IQCJ: variants seen among roughly 807,000 people sequenced by gnomAD.
IQCJ encodes IQ motif containing J, also known as IQ domain-containing protein J.
Under a neutral mutation model 11.0 loss-of-function variants are expected in IQCJ, and 9 were observed. The observed-to-expected ratio is 0.82, with a 90% CI of 0.49 to 1.43. IQCJ has a LOEUF of 1.43. IQCJ is among the 40% of genes most tolerant of loss of function. The probability of loss-of-function intolerance (pLI) is 0.00; values close to 1 mark genes in which losing one functional copy is unlikely to be tolerated. For synonymous variants in IQCJ, 55 were observed against 51.3 expected, an observed-to-expected ratio of 1.07 and a Z score of -0.31; for missense variants, 146 against 133.2, an observed-to-expected ratio of 1.10 and a Z score of -0.47.
intron 3 of IQCJ, 27 bp downstream of exon 3, chr3:159,252,834 G>A (rs1560043678): frequency 6.3e-7 from 1 of 1,594,778 alleles, no homozygotes; most frequent in Admixed American, 1.7e-5. Context: ...TATAAATTAA[G>A]CAATTAGTTC....
rs561499793 is a variant in IQCJ, at chr3:159,107,243, G to C, written c.9+37802G>C. The stretch of plus-strand genomic sequence containing the variant: ...GAAAAGTGATTAAATGGTAAGGGCA[G>C]GGCCCTTATGAATAGGCTTAGTGAC... On this transcript the variant is annotated intron_variant, in intron 1 of 3. Coordinates refer to ENST00000397832, the MANE Select transcript of IQCJ (RefSeq NM_001042706.3). 4.9e-3 allele frequency among the ~76,000 whole-genome samples: 742 copies of C among 152,224 alleles called. 10 individuals are homozygous for C. The highest frequency in any genetic ancestry group is 0.017 in the African/African-American group (708 of 41,534).
intron 1 of IQCJ, among the ~76,000 whole-genome samples, chr3:159,218,757 T>C (rs1008706373): frequency 1.3e-5 from 2 of 152,168 alleles, no homozygotes; most frequent in Admixed American, 1.3e-4. Flanking sequence ...ATTGCTGCTG[T>C]AACAAATTAT....
At position 159,240,674 on chromosome 3, in the gene IQCJ, G is replaced by A. The variant is rs61795167; in HGVS notation, c.10-5169G>A. On this transcript the variant is annotated intron_variant, in intron 1 of 3. Transcript: ENST00000397832. ...TACATAAAAAGTAATTCACGGCCAG[G>A]CACTGTGGCTCACACCTGTAATCCC... is the stretch of plus-strand genomic sequence containing the variant. 9.6e-3 allele frequency among the ~76,000 whole-genome samples: 1,466 copies of A among 152,248 alleles called. 14 individuals are homozygous for A. Among genetic ancestry groups the A allele is most frequent in the African/African-American group, 0.014 (574 of 41,548 alleles).
chr3:159,235,536 G>T (rs926214355), intron 1 of IQCJ, among the ~76,000 whole-genome samples: 2 of 152,270 alleles, frequency 1.3e-5, no homozygotes, highest in South Asian at 2.1e-4. Context: ...GATCCAGTGC[G>T]AGTGGATTGC....
At chr3:159,183,814 G>A (rs552635773) in intron 1 of IQCJ, among the ~76,000 whole-genome samples, 12 of 152,066 alleles carry the variant, frequency 7.9e-5, no homozygotes, top group Admixed American at 3.9e-4. Flanking sequence ...AGTAATCTTC[G>A]ATTCACCACT....
At chr3:159,161,973 C>T (rs1362709545) in intron 1 of IQCJ, among the ~76,000 whole-genome samples, 1 of 152,154 alleles carries the variant, frequency 6.6e-6, no homozygotes, top group Non-Finnish European at 1.5e-5. Flanking sequence ...GTGATGCCTC[C>T]AGCTTTGTTC....
rs148720175 is a variant in IQCJ at position 159,157,232 on chromosome 3, A to C, written c.9+87791A>C. 3.5e-3 allele frequency among the ~76,000 whole-genome samples: 534 copies of C among 152,318 alleles called. 2 individuals carry two copies. Among genetic ancestry groups the C allele is most frequent in the African/African-American group, 0.012 (504 of 41,560 alleles). ...TGGCTCAGGCTTTGGCATTCATCAC[A>C]CATCTTTGATCTGTGGACATCTCCT... On this transcript the variant is annotated intron_variant, in intron 1 of 3. Coordinates refer to ENST00000397832, the MANE Select transcript of IQCJ (RefSeq NM_001042706.3).
intron 1 of IQCJ, among the ~76,000 whole-genome samples, chr3:159,167,725 C>T (rs1259082958): frequency 6.6e-6 from 1 of 152,174 alleles, no homozygotes; most frequent in African/African-American, 2.4e-5. Context: ...GGAAGCAAAA[C>T]AGACATAATC....
chr3:159,114,184 C>G (rs1718810366), intron 1 of IQCJ, among the ~76,000 whole-genome samples: 1 of 152,124 alleles, frequency 6.6e-6, no homozygotes, highest in African/African-American at 2.4e-5. Context: ...CACTGGGTGT[C>G]TAGGCAATCT....
intron 1 of IQCJ, among the ~76,000 whole-genome samples, chr3:159,173,416 A>C (rs1167782631): frequency 6.6e-6 from 1 of 152,170 alleles, no homozygotes; most frequent in African/African-American, 2.4e-5. Context: ...TTTAGTAGAA[A>C]CGTGTTGATT....
intron 1 of IQCJ, among the ~76,000 whole-genome samples, chr3:159,151,726 C>T (rs1721235276): frequency 6.6e-6 from 1 of 152,236 alleles, no homozygotes; most frequent in Admixed American, 6.5e-5. Flanking sequence ...AGCTCCACCT[C>T]CCAGGTTCAC....
intron 1 of IQCJ, among the ~76,000 whole-genome samples, chr3:159,111,281 G>A: frequency 6.6e-6 from 1 of 152,114 alleles, no homozygotes; most frequent in East Asian, 1.9e-4. Context: ...CTAATTTGAA[G>A]TGATACAAAA....
chr3:159,265,763 A>C (rs1157890723), downstream of IQCJ: 2 of 162,844 alleles, frequency 1.2e-5, no homozygotes, highest in African/African-American at 4.8e-5. Context: ...GAGGCCAACA[A>C]GCCCTTACCT....
chr3:159,224,465 A>G (rs12635142), intron 1 of IQCJ, among the ~76,000 whole-genome samples: 51,486 of 152,076 alleles, frequency 0.34, 9,834 homozygotes, highest in Non-Finnish European at 0.44. Context: ...CTACTGAATA[A>G]GCAAACAGTA....
intron 1 of IQCJ, among the ~76,000 whole-genome samples, chr3:159,146,591 T>TGAA (rs1411470624): frequency 6.6e-6 from 1 of 152,206 alleles, no homozygotes; most frequent in Admixed American, 6.5e-5. Context: ...GCCTTGACAC[T>TGAA]GTGTTTAACT....
chr3:159,076,062 G>C (rs917960515), intron 1 of IQCJ, among the ~76,000 whole-genome samples: 1 of 152,032 alleles, frequency 6.6e-6, no homozygotes, highest in African/African-American at 2.4e-5. Context: ...AAATACAGTT[G>C]TAAATTCAGG....
At chr3:159,136,655 A>C (rs1434781552) in intron 1 of IQCJ, among the ~76,000 whole-genome samples, 2 of 152,166 alleles carry the variant, frequency 1.3e-5, no homozygotes, top group African/African-American at 2.4e-5. Flanking sequence ...CACTGGTGGA[A>C]GGAGCGAGGG....
At chr3:159,171,036 C>A (rs1280978013) in intron 1 of IQCJ, among the ~76,000 whole-genome samples, 1 of 151,986 alleles carries the variant, frequency 6.6e-6, no homozygotes, top group Non-Finnish European at 1.5e-5. Context: ...AGTAATCGGC[C>A]AATTCTTTAA....
intron 1 of IQCJ, among the ~76,000 whole-genome samples, chr3:159,160,927 A>G (rs1469800232): frequency 6.6e-6 from 1 of 152,132 alleles, no homozygotes; most frequent in South Asian, 2.1e-4. Context: ...ATTCCAGTCT[A>G]TCATGGTTGG....
Sources: gnomAD v4.1 joint callset for allele counts (sites outside exome capture counted in the v4.1 genomes callset) on GRCh38, gnomAD v4.1.1 for gene constraint, MANE v1.5 for transcripts, NCBI Gene and HGNC (gene_info 2026-07-23, HGNC 2026-07-21) for gene names.